ZBTB7C: variants seen among roughly 807,000 people sequenced by gnomAD.
The protein encoded by ZBTB7C is zinc finger and BTB domain containing 7C, also known as zinc finger and BTB domain-containing protein 7C.
A neutral mutation model predicts 25.7 loss-of-function variants in ZBTB7C; 8 were observed. The observed-to-expected ratio is 0.31, with a 90% CI of 0.18 to 0.56. The LOEUF (loss-of-function observed/expected upper bound fraction) is 0.56, where lower values mean the gene tolerates loss of function less well. Among genes scored for constraint, ZBTB7C ranks in the 20% least tolerant of loss-of-function variants. ZBTB7C has a pLI of 0.91. For missense variants in ZBTB7C, 824 were observed against 855.2 expected, an observed-to-expected ratio of 0.96 and a Z score of 0.46; for synonymous variants, 394 against 369.0, an observed-to-expected ratio of 1.07 and a Z score of -0.78.
intron 2 of ZBTB7C, among the ~76,000 whole-genome samples, chr18:48,194,860 G>T (rs1209566606): frequency 6.8e-6 from 1 of 147,910 alleles, no homozygotes; most frequent in Non-Finnish European, 1.5e-5. Context: ...TTTTGTTCGG[G>T]CCCTGCAGAG....
At chr18:48,372,377 T>C (rs2047407744) in intron 1 of ZBTB7C, among the ~76,000 whole-genome samples, 1 of 152,224 alleles carries the variant, frequency 6.6e-6, no homozygotes, top group African/African-American at 2.4e-5. Context: ...CAGTCTCCTC[T>C]GCAGTTAGGC....
chr18:48,087,961 T>C (rs1045145811), intron 3 of ZBTB7C, among the ~76,000 whole-genome samples: 3 of 152,180 alleles, frequency 2.0e-5, no homozygotes, highest in Non-Finnish European at 4.4e-5. Flanking sequence ...TGCTTACTTT[T>C]GAAAAGACTA....
intron 3 of ZBTB7C, among the ~76,000 whole-genome samples, chr18:48,048,226 T>G (rs1028129001): frequency 2.6e-5 from 4 of 152,130 alleles, no homozygotes; most frequent in Admixed American, 6.5e-5. Context: ...CAGGGAAGGC[T>G]TCTAGGAACA....
chr18:48,324,572 G>A (rs567954654), intron 2 of ZBTB7C, among the ~76,000 whole-genome samples: 1 of 152,246 alleles, frequency 6.6e-6, no homozygotes, highest in Non-Finnish European at 1.5e-5. Flanking sequence ...GCCTATGGGA[G>A]GTGATGAGTT....
At chr18:48,360,571 G>C (rs2047081633) in intron 1 of ZBTB7C, among the ~76,000 whole-genome samples, 1 of 152,228 alleles carries the variant, frequency 6.6e-6, no homozygotes, top group Non-Finnish European at 1.5e-5. Context: ...AGGACAGAAG[G>C]AGCCAGGGGA....
rs73955662 is a variant in ZBTB7C, at chr18:48,220,024, C to T, written c.-78-34029G>A. On this transcript the variant is annotated intron_variant, in intron 2 of 4. Transcript: ENST00000590800. ...ATTTGTCCCAAAGACTTCTGTCATCCGCAGATGTGGCACAGAGCCCACTAG... is the reference window on the plus strand; with the variant it reads ...ATTTGTCCCAAAGACTTCTGTCATCTGCAGATGTGGCACAGAGCCCACTAG... Among the ~76,000 whole-genome samples, 1,029 of 152,246 alleles carry T rather than the reference C, an allele frequency of 6.8e-3. 14 individuals carry two copies. Among genetic ancestry groups the T allele is most frequent in the African/African-American group, 0.023 (936 of 41,548 alleles).
At chr18:48,238,036 C>T (rs941519142) in intron 2 of ZBTB7C, among the ~76,000 whole-genome samples, 2 of 151,882 alleles carry the variant, frequency 1.3e-5, no homozygotes, top group African/African-American at 4.8e-5. Flanking sequence ...AGGTTCAAAA[C>T]TAGGAAAGTC....
intron 2 of ZBTB7C, among the ~76,000 whole-genome samples, chr18:48,292,795 T>C (rs1030360648): frequency 6.6e-6 from 1 of 152,184 alleles, no homozygotes; most frequent in Admixed American, 6.5e-5. Context: ...TGGAGTGGTA[T>C]GGAAAACAGC....
intron 1 of ZBTB7C, among the ~76,000 whole-genome samples, chr18:48,347,161 C>T (rs1325410742): frequency 3.9e-5 from 5 of 128,198 alleles, no homozygotes; most frequent in Admixed American, 8.9e-5. Flanking sequence ...GACGGAGTCT[C>T]GCTCTGTTAC....
At chr18:48,360,528 G>A (rs1469411774) in intron 1 of ZBTB7C, among the ~76,000 whole-genome samples, 2 of 152,240 alleles carry the variant, frequency 1.3e-5, no homozygotes, top group African/African-American at 4.8e-5. Context: ...CAGGGCCAGA[G>A]TACTAGGGGC....
intron 2 of ZBTB7C, among the ~76,000 whole-genome samples, chr18:48,225,317 G>C (rs1414578384): frequency 6.6e-6 from 1 of 151,894 alleles, no homozygotes; most frequent in East Asian, 1.9e-4. Context: ...GGGAGAGGGA[G>C]AGGGGAAGGG....
chr18:48,165,765 C>T (rs1047529381), intron 3 of ZBTB7C, among the ~76,000 whole-genome samples: 26 of 152,338 alleles, frequency 1.7e-4, no homozygotes, highest in African/African-American at 5.8e-4. Context: ...AACATCGTAA[C>T]CACAACAGCC....
chr18:48,197,280 A>G (rs1244634357), intron 2 of ZBTB7C, among the ~76,000 whole-genome samples: 1 of 151,870 alleles, frequency 6.6e-6, no homozygotes, highest in East Asian at 1.9e-4. Flanking sequence ...CAAACTTTTC[A>G]TTTACCTAAG....
intron 2 of ZBTB7C, among the ~76,000 whole-genome samples, chr18:48,265,671 A>G (rs1313942695): frequency 6.6e-6 from 1 of 152,200 alleles, no homozygotes; most frequent in Non-Finnish European, 1.5e-5. Flanking sequence ...TGTCAAAGAG[A>G]GGCATCTCTT....
At chr18:48,331,988 C>T (rs1240624286) in intron 2 of ZBTB7C, among the ~76,000 whole-genome samples, 2 of 152,208 alleles carry the variant, frequency 1.3e-5, no homozygotes, top group East Asian at 3.9e-4. Flanking sequence ...ATCATGTTGT[C>T]TGAATTTACT....
At chr18:48,289,483 G>A (rs951261628) in intron 2 of ZBTB7C, among the ~76,000 whole-genome samples, 6 of 151,234 alleles carry the variant, frequency 4.0e-5, no homozygotes, top group South Asian at 2.1e-4. Flanking sequence ...AAACATCTAC[G>A]AAAAATAAAC....
At chr18:48,397,399 C>T (rs1880900611) in intron 1 of ZBTB7C, among the ~76,000 whole-genome samples, 2 of 152,138 alleles carry the variant, frequency 1.3e-5, no homozygotes, top group Admixed American at 6.5e-5. Flanking sequence ...ACCTGAATAC[C>T]CTCTAGGAAC....
At chr18:48,345,831 A>G (rs2145003217) in intron 1 of ZBTB7C, among the ~76,000 whole-genome samples, 1 of 152,340 alleles carries the variant, frequency 6.6e-6, no homozygotes, top group African/African-American at 2.4e-5. Flanking sequence ...CTCTGCTGCC[A>G]TCTGGCTGTG....
At chr18:48,382,997 T>C (rs573435644) in intron 1 of ZBTB7C, among the ~76,000 whole-genome samples, 7 of 152,328 alleles carry the variant, frequency 4.6e-5, no homozygotes, top group Admixed American at 3.9e-4. Context: ...GGCGTGATAT[T>C]TTCTCCTTAA....
Sources: gnomAD v4.1 joint callset for allele counts (sites outside exome capture counted in the v4.1 genomes callset) on GRCh38, gnomAD v4.1.1 for gene constraint, MANE v1.5 for transcripts, NCBI Gene and HGNC (gene_info 2026-07-23, HGNC 2026-07-21) for gene names.